Variants in GRIK4 observed in about 807,000 individuals in gnomAD.
The protein encoded by GRIK4 is glutamate receptor ionotropic, kainate 4.
A neutral mutation model predicts 104.9 loss-of-function variants in GRIK4; 40 were observed. That is an observed-to-expected ratio of 0.38 (90% CI 0.30 to 0.50). The LOEUF is 0.50. Among genes scored for constraint, GRIK4 ranks in the 20% least tolerant of loss-of-function variants. GRIK4 has a pLI of 0.93. For synonymous variants in GRIK4, 485 were observed against 524.9 expected, an observed-to-expected ratio of 0.92 and a Z score of 1.04; for missense variants, 1,047 against 1,308.1, an observed-to-expected ratio of 0.80 and a Z score of 3.08.
intron 11 of GRIK4, among the ~76,000 whole-genome samples, chr11:120,889,831 T>C (rs1955232076): frequency 6.6e-6 from 1 of 152,120 alleles, no homozygotes; most frequent in Non-Finnish European, 1.5e-5. Context: ...CTTGAACTCC[T>C]GACCTCAGGT....
chr11:120,846,012 T>C (rs1953844042), intron 8 of GRIK4, among the ~76,000 whole-genome samples: 1 of 152,184 alleles, frequency 6.6e-6, no homozygotes, highest in South Asian at 2.1e-4. Context: ...CTTACAGAGA[T>C]GCTATTGATC....
intron 1 of GRIK4, among the ~76,000 whole-genome samples, chr11:120,646,563 A>G (rs1437643022): frequency 1.3e-5 from 2 of 152,224 alleles, no homozygotes; most frequent in African/African-American, 4.8e-5. Context: ...AGTAGGGGAA[A>G]GATGAATAGG....
rs550959726 is a variant in GRIK4 at position 120,935,712 on chromosome 11, G to A, written c.1477-4635G>A. Among the ~76,000 whole-genome samples, 14 of 152,282 alleles carry A rather than the reference G, an allele frequency of 9.2e-5. No homozygotes were observed. The South Asian group carries it at 2.9e-3, about 32-fold the overall frequency. ...GTAAGCTTCATCGGAGTCAACTAAA[G>A]ATGAATAAGCCACCACCCCCATACA... On this transcript the variant is annotated intron_variant, in intron 13 of 20. Coordinates refer to ENST00000527524, the MANE Select transcript of GRIK4 (RefSeq NM_014619.5).
chr11:120,530,266 G>A (rs970355115), intron 1 of GRIK4, among the ~76,000 whole-genome samples: 2 of 152,338 alleles, frequency 1.3e-5, no homozygotes, highest in South Asian at 2.1e-4. Context: ...AAAAAATAAT[G>A]GTGAGCAAAT....
chr11:120,721,874 C>T (rs942376912), intron 3 of GRIK4, among the ~76,000 whole-genome samples: 3 of 152,146 alleles, frequency 2.0e-5, no homozygotes, highest in Non-Finnish European at 4.4e-5. Flanking sequence ...ATGAAAGACA[C>T]GGTTAATACC....
chr11:120,520,156 G>C (rs533040438), intron 1 of GRIK4, among the ~76,000 whole-genome samples: 1 of 152,112 alleles, frequency 6.6e-6, no homozygotes, highest in African/African-American at 2.4e-5. Context: ...GCCCCCCAAA[G>C]TGCTGGGATT....
intron 1 of GRIK4, among the ~76,000 whole-genome samples, chr11:120,554,431 C>T (rs1948168304): frequency 6.6e-6 from 1 of 152,190 alleles, no homozygotes. Flanking sequence ...GCTCCTGCCT[C>T]CGCTTAGGTG....
intron 3 of GRIK4, among the ~76,000 whole-genome samples, chr11:120,713,846 G>A (rs1645439687): frequency 1.3e-5 from 2 of 152,142 alleles, no homozygotes; most frequent in African/African-American, 4.8e-5. Flanking sequence ...GGAAAGGAAG[G>A]CTCAATTCTC....
chr11:120,566,577 G>A (rs1204796605), intron 1 of GRIK4, among the ~76,000 whole-genome samples: 1 of 152,160 alleles, frequency 6.6e-6, no homozygotes, highest in African/African-American at 2.4e-5. Flanking sequence ...TTGTCTTGAG[G>A]TTCAGTTTTC....
chr11:120,815,298 AGAG>A, intron 4 of GRIK4, 77 bp from the exon 5 acceptor site: 4 of 772,202 alleles, frequency 5.2e-6, no homozygotes, highest in Non-Finnish European at 8.8e-6. Context: ...CAGCGGGTGA[AGAG>A]GAGAGGACTG....
intron 1 of GRIK4, among the ~76,000 whole-genome samples, chr11:120,550,341 G>GTGGGGGTGGGGTGAGT (rs1443961367): frequency 1.8e-4 from 24 of 135,704 alleles, no homozygotes; most frequent in African/African-American, 8.1e-4. Context: ...ACAGGGGTTG[G>GTGGGGGTGGGGTGAGT]TGGGGGTGGG....
intron 1 of GRIK4, among the ~76,000 whole-genome samples, chr11:120,605,452 A>C (rs774502140): frequency 1.3e-5 from 2 of 152,230 alleles, no homozygotes; most frequent in Non-Finnish European, 2.9e-5. Context: ...TACTTACAGC[A>C]TGGGGTCTTT....
intron 4 of GRIK4, among the ~76,000 whole-genome samples, chr11:120,814,326 G>A (rs1486755734): frequency 6.6e-6 from 1 of 152,202 alleles, no homozygotes; most frequent in African/African-American, 2.4e-5. Context: ...GTGGTGGGGT[G>A]CGGTGGCTCA....
At chr11:120,760,273 G>T (rs1477787072) in intron 3 of GRIK4, among the ~76,000 whole-genome samples, 1 of 150,776 alleles carries the variant, frequency 6.6e-6, no homozygotes, top group Non-Finnish European at 1.5e-5. Flanking sequence ...TATTCACTTA[G>T]CATATTGTTC....
At position 120,669,097 on chromosome 11, in the gene GRIK4, T is replaced by G. The variant is rs547381955; in HGVS notation, c.82+8697T>G. Among the ~76,000 whole-genome samples, 5 of 152,346 alleles carry G rather than the reference T, an allele frequency of 3.3e-5. No individual in the cohort carries two copies. The East Asian group carries it at 7.7e-4, about 24-fold the overall frequency. ...TAAACCCTGCTTTAAATTCACCTTG[T>G]TCTGGGAGATGAGAATCCCCACCTT... On this transcript the variant is annotated intron_variant, in intron 3 of 20. Transcript: ENST00000527524.
intron 4 of GRIK4, among the ~76,000 whole-genome samples, chr11:120,811,829 A>G (rs1952835214): frequency 6.6e-6 from 1 of 152,124 alleles, no homozygotes; most frequent in African/African-American, 2.4e-5. Flanking sequence ...TTCCCTTATG[A>G]TTATACATTT....
intron 13 of GRIK4, among the ~76,000 whole-genome samples, chr11:120,911,339 C>T (rs1220389050): frequency 2.0e-5 from 3 of 149,760 alleles, no homozygotes; most frequent in Admixed American, 6.6e-5. Flanking sequence ...CCCGGGTTCA[C>T]GCCATTCTCC....
chr11:120,794,394 C>T (rs1034123808), intron 3 of GRIK4, among the ~76,000 whole-genome samples: 3 of 151,854 alleles, frequency 2.0e-5, no homozygotes, highest in South Asian at 2.1e-4. Flanking sequence ...TAGAGGTAAA[C>T]GGCGGTTTTA....
chr11:120,847,554 G>A (rs989308626), intron 8 of GRIK4, among the ~76,000 whole-genome samples: 1 of 152,196 alleles, frequency 6.6e-6, no homozygotes, highest in Non-Finnish European at 1.5e-5. Flanking sequence ...CATTCTAAGT[G>A]GGGGATACAC....
Sources: gnomAD v4.1 joint callset for allele counts (sites outside exome capture counted in the v4.1 genomes callset) on GRCh38, gnomAD v4.1.1 for gene constraint, MANE v1.5 for transcripts, NCBI Gene and HGNC (gene_info 2026-07-23, HGNC 2026-07-21) for gene names.